The following PRKCE variants were observed in gnomAD, a reference collection of about 807,000 sequenced individuals.
PRKCE encodes the protein protein kinase C epsilon.
In PRKCE, 16 loss-of-function variants were observed where a neutral mutation model predicts 85.4. That is an observed-to-expected ratio of 0.19 (90% CI 0.13 to 0.28). The LOEUF is 0.28. Ranked by LOEUF, PRKCE falls within the 10% of genes least tolerant of loss-of-function variation. PRKCE has a pLI of 1.00. For missense variants in PRKCE, 573 were observed against 975.2 expected (o/e 0.59, Z 5.49); for synonymous variants, 388 against 371.5 (o/e 1.04, Z -0.51).
intron 2 of PRKCE, among the ~76,000 whole-genome samples, chr2:45,888,787 T>C (rs536580738): frequency 1.8e-4 from 27 of 152,318 alleles, no homozygotes; most frequent in Non-Finnish European, 3.5e-4. Flanking sequence ...CAGGGAGTAC[T>C]GTGGAGAAAA....
intron 14 of PRKCE, among the ~76,000 whole-genome samples, chr2:46,167,510 G>A (rs1324422355): frequency 1.3e-5 from 2 of 152,178 alleles, no homozygotes; most frequent in East Asian, 3.8e-4. Context: ...GCACCATCTA[G>A]CAAGGCACCA....
intron 1 of PRKCE, chr2:45,677,856 G>T: frequency 1.0e-6 from 1 of 985,502 alleles, no homozygotes; most frequent in Non-Finnish European, 1.2e-6. Context: ...CAGATGGGCA[G>T]TGAAAAAGAC....
At chr2:45,842,909 G>T in intron 1 of PRKCE, 91 bp from the exon 2 acceptor site, 1 of 1,198,046 alleles carries the variant, frequency 8.3e-7, no homozygotes, top group Non-Finnish European at 1.2e-6. Flanking sequence ...TGTGTCTCTA[G>T]GTTTTAGCAG....
intron 1 of PRKCE, among the ~76,000 whole-genome samples, chr2:45,653,552 A>T: frequency 6.6e-6 from 1 of 152,082 alleles, no homozygotes; most frequent in African/African-American, 2.4e-5. Flanking sequence ...TAAGCCTCAA[A>T]AGTGGTGTAG....
In PRKCE at chr2:45,984,047, C is replaced by T. The variant is rs1703114816; in HGVS notation, c.694-504C>T. Among the ~76,000 whole-genome samples the T allele has an allele frequency of 2.0e-5, 3 of 151,036 alleles. No individual in the cohort carries two copies. The South Asian group carries it at 6.3e-4, about 32-fold the overall frequency. On this transcript the variant is annotated intron_variant, in intron 5 of 14. Coordinates refer to ENST00000306156, the MANE Select transcript of PRKCE (RefSeq NM_005400.3). The stretch of plus-strand genomic sequence containing the variant: ...CTGCCTCCCGGATTCAAGCAATTCT[C>T]CTGCCTCAGCCTTCCGAGTAGCTGG...
In PRKCE at chr2:45,652,498, G is replaced by C. The variant is rs774816549; in HGVS notation, c.348+50G>C. ...TCCGGGAACCCGGTTGTGGGGTCCCGGGGAAAGACTCGCTGGTCTTGATCG... is the reference window on the plus strand; with the variant it reads ...TCCGGGAACCCGGTTGTGGGGTCCCCGGGAAAGACTCGCTGGTCTTGATCG... On this transcript the variant is annotated intron_variant, in intron 1 of 14. Coordinates refer to ENST00000306156, the MANE Select transcript of PRKCE (RefSeq NM_005400.3). The surrounding 1 kb of genome is among the most constrained non-coding windows in gnomAD (Gnocchi z 7.7). The C allele has an allele frequency of 1.2e-5, 18 of 1,487,528 alleles. No homozygotes were observed. In the East Asian group the frequency reaches 1.6e-4, roughly 14 times the overall value. 92.1% of individuals were successfully genotyped at this position (1,487,528 alleles called of 1,614,324 possible).
intron 1 of PRKCE, among the ~76,000 whole-genome samples, chr2:45,703,315 A>G (rs1245570339): frequency 6.6e-6 from 1 of 152,074 alleles, no homozygotes; most frequent in African/African-American, 2.4e-5. Flanking sequence ...CAGGAGGATC[A>G]CTTGAGGCCA....
At chr2:46,176,310 G>A (rs1394109291) in intron 14 of PRKCE, among the ~76,000 whole-genome samples, 1 of 152,016 alleles carries the variant, frequency 6.6e-6, no homozygotes, top group Non-Finnish European at 1.5e-5. Context: ...GAGCAGCTCC[G>A]TGCGTTGAAG....
In PRKCE at chr2:46,010,507, T is replaced by A. The variant is rs1220942470; in HGVS notation, c.1427T>A (p.Phe476Tyr). The change falls in exon 10 of 15, where the codon TTC (phenylalanine) becomes TAC (tyrosine). Residue 476 changes from phenylalanine (F) to tyrosine (Y), a missense_variant. By Grantham distance (22) the Phe-to-Tyr change is conservative (BLOSUM62 3). Transcript: ENST00000306156. The stretch of plus-strand genomic sequence containing the variant: ...TACCTTACCCAACTCTACTGCTGCT[T>A]CCAGACCAAGGTATGTTAGGAAGAA... Reference protein sequence around the residue: ...HPYLTQLYCCFQTKDRLFFVM... With the variant: ...HPYLTQLYCCYQTKDRLFFVM... 1 of 1,599,596 alleles carries A rather than the reference T, an allele frequency of 6.3e-7. No homozygotes were observed. The highest frequency in any genetic ancestry group is 8.5e-7 in the Non-Finnish European group (1 of 1,179,876).
rs1203996990 is a variant in PRKCE, at chr2:46,186,632, G to A, written c.*1751G>A. On this transcript the variant is annotated 3_prime_UTR_variant, in exon 15 of 15. Transcript: ENST00000306156. Reference sequence around the variant, plus strand: ...TATTTCATTTTGGTTTATTTTAAAAGATGTAAACATATATTAAGCTATATT... The same window carrying A: ...TATTTCATTTTGGTTTATTTTAAAAAATGTAAACATATATTAAGCTATATT... The A allele has an allele frequency of 3.3e-5, 5 of 152,536 alleles. 1 individual carries two copies. The highest frequency in any genetic ancestry group is 7.2e-5 in the African/African-American group (3 of 41,410). 9.4% of individuals were successfully genotyped at this position (152,536 alleles called of 1,614,324 possible). A position where few individuals can be genotyped will look rare whatever the true frequency, so the allele number is the denominator to read the frequency against.
At chr2:45,901,096 G>A (rs1452855101) in intron 2 of PRKCE, among the ~76,000 whole-genome samples, 1 of 152,174 alleles carries the variant, frequency 6.6e-6, no homozygotes, top group African/African-American at 2.4e-5. Context: ...GTCCTGATGA[G>A]CAGAAATGAT....
At position 46,155,670 on chromosome 2, in the gene PRKCE, A is replaced by G. The variant is rs1677123545; in HGVS notation, c.1921-3936A>G. On this transcript the variant is annotated intron_variant, in intron 13 of 14. Transcript: ENST00000306156. The surrounding 1 kb of genome is among the most constrained non-coding windows in gnomAD (Gnocchi z 4.7). ...ACTCTCAAATTCCTTGGTTCAGTAA[A>G]TGGCACCCTGTCTTCCTTTCTAAAC... 6.6e-6 allele frequency among the ~76,000 whole-genome samples: 1 copy of G among 152,106 alleles called. No individual in the cohort carries two copies. Among genetic ancestry groups the G allele is most frequent in the African/African-American group, 2.4e-5 (1 of 41,406 alleles).
intron 4 of PRKCE, among the ~76,000 whole-genome samples, 154 bp from the exon 5 acceptor site, chr2:45,980,142 C>T (rs997791370): frequency 2.6e-5 from 4 of 152,154 alleles, no homozygotes; most frequent in African/African-American, 9.7e-5. Flanking sequence ...TTTGAAATAG[C>T]TGTATAAAAG....
intron 1 of PRKCE, among the ~76,000 whole-genome samples, chr2:45,796,763 G>T (rs1687469682): frequency 1.3e-5 from 2 of 152,162 alleles, no homozygotes; most frequent in Admixed American, 1.3e-4. Context: ...AGCTAGAAAA[G>T]ACTTCACAGG....
intron 2 of PRKCE, among the ~76,000 whole-genome samples, chr2:45,857,351 G>T (rs1692759056): frequency 6.6e-6 from 1 of 152,164 alleles, no homozygotes; most frequent in Non-Finnish European, 1.5e-5. Flanking sequence ...ACAATTTCTG[G>T]TAATATTTCC....
intron 1 of PRKCE, among the ~76,000 whole-genome samples, chr2:45,691,965 G>A (rs779239496): frequency 4.6e-5 from 7 of 152,200 alleles, no homozygotes; most frequent in Admixed American, 6.5e-5. Flanking sequence ...CTATGTGTCC[G>A]TTGTTCTATC....
chr2:46,098,716 T>C (rs1336620546), intron 11 of PRKCE, among the ~76,000 whole-genome samples: 3 of 152,242 alleles, frequency 2.0e-5, no homozygotes, highest in African/African-American at 7.2e-5. Flanking sequence ...CAGCCAGTAC[T>C]GAATGCTCCA....
chr2:45,836,946 C>CTG (rs1164775402), intron 1 of PRKCE, among the ~76,000 whole-genome samples: 1 of 152,194 alleles, frequency 6.6e-6, no homozygotes, highest in Non-Finnish European at 1.5e-5. Flanking sequence ...CGAATTGGGC[C>CTG]TGTGTGACCT....
intron 1 of PRKCE, among the ~76,000 whole-genome samples, chr2:45,808,533 C>G (rs957087628): frequency 6.6e-6 from 1 of 152,202 alleles, no homozygotes; most frequent in East Asian, 1.9e-4. Context: ...TGTGTACCGT[C>G]TGGAGAATGC....
Sources: allele counts gnomAD v4.1 joint callset (sites outside exome capture counted in the v4.1 genomes callset), GRCh38; gene constraint gnomAD v4.1.1; non-coding constraint Gnocchi (gnomAD v3.1); transcripts MANE v1.5; gene names NCBI Gene and HGNC (gene_info 2026-07-23, HGNC 2026-07-21).